The following PPA1 variants were observed in gnomAD, a reference collection of about 807,000 sequenced individuals.
PPA1 encodes inorganic pyrophosphatase.
Under a neutral mutation model 41.8 loss-of-function variants are expected in PPA1, and 23 were observed. The ratio of observed to expected loss-of-function variants is 0.55; its 90% CI spans 0.40 to 0.78. The LOEUF is 0.78. Among genes scored for constraint, PPA1 ranks in the 30% least tolerant of loss-of-function variants. The pLI is 0.00. For missense variants in PPA1, 320 were observed against 361.6 expected (o/e 0.89, Z 0.93); for synonymous variants, 101 against 116.8 (o/e 0.86, Z 0.87).
At chr10:70,213,642 G>T in intron 5 of PPA1, 53 bp from the exon 6 acceptor site, 1 of 1,556,314 alleles carries the variant, frequency 6.4e-7, no homozygotes, top group Non-Finnish European at 8.7e-7. Flanking sequence ...CACTCTAGAA[G>T]ACAGTTTTAC....
In PPA1 at chr10:70,231,313, TC is replaced by T. The variant is rs200140350; in HGVS notation, c.65-915del. Reference sequence around the variant, plus strand: ...CAGGCACGGTGGCTCACGCCTGTAATCCCAGCACTTTGGAAGGCCAAAGCAG... The same window carrying T: ...CAGGCACGGTGGCTCACGCCTGTAATCCAGCACTTTGGAAGGCCAAAGCAG... On this transcript the variant is annotated intron_variant, in intron 1 of 10. Transcript: ENST00000373232. 3.0e-3 allele frequency among the ~76,000 whole-genome samples: 453 copies of T among 152,328 alleles called. 4 individuals are homozygous for T. The highest frequency in any genetic ancestry group is 9.8e-3 in the African/African-American group (408 of 41,566).
At chr10:70,212,396 C>T (rs749591435) in intron 6 of PPA1, among the ~76,000 whole-genome samples, 9 of 152,284 alleles carry the variant, frequency 5.9e-5, no homozygotes, top group Non-Finnish European at 1.2e-4. Flanking sequence ...CAGGAATGTT[C>T]ATGGCAGCAT....
chr10:70,203,578 A>AT (rs56837347), intron 10 of PPA1: 701 of 162,292 alleles, frequency 4.3e-3, no homozygotes, highest in South Asian at 0.015. Flanking sequence ...AAATTTTTGT[A>AT]TTTTTTTTTT....
intron 10 of PPA1, among the ~76,000 whole-genome samples, chr10:70,203,424 A>G (rs1839903035): frequency 6.6e-6 from 1 of 151,844 alleles, no homozygotes; most frequent in Non-Finnish European, 1.5e-5. Flanking sequence ...TAATTTCGAG[A>G]CAGGGTCTCA....
chr10:70,216,268 A>ACAAGGT (rs1254612804), intron 4 of PPA1, among the ~76,000 whole-genome samples: 1 of 152,122 alleles, frequency 6.6e-6, no homozygotes, highest in Non-Finnish European at 1.5e-5. Context: ...CAGGCAGATC[A>ACAAGGT]CAAGGTCAGG....
intron 9 of PPA1, chr10:70,206,044 T>C: frequency 3.8e-6 from 2 of 531,506 alleles, no homozygotes; most frequent in Non-Finnish European, 3.4e-6. Flanking sequence ...TACCATGCTA[T>C]CTGTCCAACT....
In PPA1 at chr10:70,213,520, T is replaced by A; in HGVS notation, c.454A>T (p.Thr152Ser). 1 of 1,614,040 alleles carries A rather than the reference T, an allele frequency of 6.2e-7. No individual in the cohort carries two copies. The highest frequency in any genetic ancestry group is 1.3e-5 in the African/African-American group (1 of 75,048). ...GILAMIDEGE[T>S]DWKVIAINVD... Reference sequence around the variant, plus strand: ...TTAATGGCAATGACTTTCCAGTCGGTTTCCCCTTCGTCAATCATAGCCAAT... The same window carrying A: ...TTAATGGCAATGACTTTCCAGTCGGATTCCCCTTCGTCAATCATAGCCAAT... The change falls in exon 6 of 11, where the codon ACC becomes TCC. Residue 152 changes from threonine (T) to serine (S), a missense_variant. Transcript: ENST00000373232.
intron 2 of PPA1, among the ~76,000 whole-genome samples, chr10:70,221,079 T>TTA (rs1840161906): frequency 4.4e-5 from 1 of 22,902 alleles, no homozygotes; most frequent in Admixed American, 1.1e-3. Context: ...TATATATATT[T>TTA]TTTTTTTTTT....
At position 70,221,056 on chromosome 10, in the gene PPA1, A is replaced by ATT. The variant is rs1454688014; in HGVS notation, c.124-2241_124-2240dup. On this transcript the variant is annotated intron_variant, in intron 2 of 10. Transcript: ENST00000373232. ...TATATATAAATTATATATATATATA[A>ATT]TTTATATATATATATATATATTTTT... Among the ~76,000 whole-genome samples the ATT allele has an allele frequency of 6.9e-3, 221 of 31,918 alleles. 25 individuals carry two copies. Among genetic ancestry groups the ATT allele is most frequent in the African/African-American group, 0.061 (194 of 3,190 alleles). 20.9% of individuals were successfully genotyped at this position (31,918 alleles called of 152,430 possible). A position where few individuals can be genotyped will look rare whatever the true frequency, so the allele number is the denominator to read the frequency against.
chr10:70,231,137 A>G lies in PPA1; in HGVS notation c.65-738T>C. 2.6e-5 allele frequency among the ~76,000 whole-genome samples: 4 copies of G among 152,294 alleles called. No homozygotes were observed. In the South Asian group the frequency reaches 8.3e-4, roughly 32 times the overall value. ...TCAAGTTGCAACAAACATCTTCACAAATAATTTCTATTATATTCTAGATAT... is the reference window on the plus strand; with the variant it reads ...TCAAGTTGCAACAAACATCTTCACAGATAATTTCTATTATATTCTAGATAT... On this transcript the variant is annotated intron_variant, in intron 1 of 10. Transcript: ENST00000373232.
intron 1 of PPA1, among the ~76,000 whole-genome samples, chr10:70,231,738 G>C (rs79631311): frequency 0.031 from 4,672 of 152,308 alleles, 133 homozygotes; most frequent in East Asian, 0.15. Context: ...ACTATGTAGT[G>C]GGTTCTAATT....
At chr10:70,204,939 T>C in intron 9 of PPA1, 24 bp from the exon 10 acceptor site, 1 of 1,550,264 alleles carries the variant, frequency 6.5e-7, no homozygotes, top group African/African-American at 1.4e-5. Context: ...TATTAAAATC[T>C]ATTAGTCTAA....
Position 70,213,560 on chromosome 10 carries a change from C to G in PPA1, c.414G>C (p.Val138=). 1 of 1,613,972 alleles carries G rather than the reference C, an allele frequency of 6.2e-7. No individual in the cohort carries two copies. Among genetic ancestry groups the G allele is most frequent in the Non-Finnish European group, 8.5e-7 (1 of 1,179,918 alleles). ...KVCARGEIIG[V]KVLGILAMID... ...TCATAGCCAATATGCCTAGAACTTT[C>G]ACGCCAATTATTTCACCTCTTGCAC... The change falls in exon 6 of 11, where the codon GTG becomes GTC. Residue 138 remains valine (V), a synonymous_variant. Transcript: ENST00000373232.
intron 2 of PPA1, among the ~76,000 whole-genome samples, chr10:70,224,914 AG>A (rs1377410175): frequency 6.6e-6 from 1 of 151,818 alleles, no homozygotes; most frequent in Non-Finnish European, 1.5e-5. Flanking sequence ...TATTTTTAGT[AG>A]AGACAGGGTT....
intron 10 of PPA1, among the ~76,000 whole-genome samples, 179 bp from the exon 11 acceptor site, chr10:70,203,365 C>T (rs903662172): frequency 6.6e-6 from 1 of 152,096 alleles, no homozygotes; most frequent in African/African-American, 2.4e-5. Flanking sequence ...TTTTGGGCTT[C>T]CTTACACTTC....
At chr10:70,203,889 CAG>C (rs992899258) in intron 10 of PPA1, 1 of 152,394 alleles carries the variant, frequency 6.6e-6, no homozygotes, top group African/African-American at 2.4e-5. Context: ...CCATGGAACT[CAG>C]AGGGGCACAA....
rs1564584311 is a variant in PPA1 at position 70,220,822 on chromosome 10, T to TAA, written c.124-2006_124-2005insTT. 9.0e-3 allele frequency among the ~76,000 whole-genome samples: 321 copies of TAA among 35,548 alleles called. 101 individuals carry two copies. Among genetic ancestry groups the TAA allele is most frequent in the African/African-American group, 0.02 (124 of 6,200 alleles). 23.3% of individuals were successfully genotyped at this position (35,548 alleles called of 152,430 possible). On this transcript the variant is annotated intron_variant, in intron 2 of 10. Transcript: ENST00000373232. ...ATAATATATATAATTTTTATATATATTATATATATAATTTTTATATATATT... is the reference window on the plus strand; with the variant it reads ...ATAATATATATAATTTTTATATATATAATATATATATAATTTTTATATATATT...
At chr10:70,210,525 T>C in intron 6 of PPA1, 1 of 1,008,692 alleles carries the variant, frequency 9.9e-7, no homozygotes, top group Non-Finnish European at 1.3e-6. Context: ...AACAATACTT[T>C]AGTTCTGGCT....
At chr10:70,218,662 A>C in intron 3 of PPA1, 102 bp downstream of exon 3, 1 of 915,908 alleles carries the variant, frequency 1.1e-6, no homozygotes, top group Non-Finnish European at 1.7e-6. Context: ...GACCAGACAG[A>C]GAAAAACCTT....
Sources: allele counts gnomAD v4.1 joint callset (sites outside exome capture counted in the v4.1 genomes callset), GRCh38; gene constraint gnomAD v4.1.1; transcripts MANE v1.5; gene names NCBI Gene and HGNC (gene_info 2026-07-23, HGNC 2026-07-21).